Variants in ALG9 observed in about 807,000 individuals in gnomAD.
The protein encoded by ALG9 is alpha-1,2-mannosyltransferase ALG9.
Under a neutral mutation model 81.8 loss-of-function variants are expected in ALG9, and 55 were observed. The ratio of observed to expected loss-of-function variants is 0.67; its 90% CI spans 0.54 to 0.84. The LOEUF (loss-of-function observed/expected upper bound fraction) is 0.84, where lower values mean the gene tolerates loss of function less well. ALG9 is among the 40% of genes least tolerant of loss of function. The probability of loss-of-function intolerance (pLI) is 0.00; values close to 1 mark genes in which losing one functional copy is unlikely to be tolerated. For synonymous variants in ALG9, 278 were observed against 274.3 expected (o/e 1.01, Z -0.13); for missense variants, 629 against 745.0 (o/e 0.84, Z 1.81).
intron 13 of ALG9, among the ~76,000 whole-genome samples, chr11:111,819,660 T>C (rs556623413): frequency 2.0e-5 from 3 of 152,390 alleles, no homozygotes; most frequent in African/African-American, 4.8e-5. Flanking sequence ...TACTTAGCTT[T>C]TAAGCAGCAT....
the ALG9 span, among the ~76,000 whole-genome samples, chr11:111,775,758 A>T: frequency 6.6e-6 from 1 of 152,180 alleles, no homozygotes; most frequent in African/African-American, 2.4e-5. Flanking sequence ...CTTTGACTAC[A>T]TCCTGTTCTC....
At chr11:111,800,857 G>A (rs1949021205) in intron 14 of ALG9, among the ~76,000 whole-genome samples, 1 of 152,118 alleles carries the variant, frequency 6.6e-6, no homozygotes, top group Non-Finnish European at 1.5e-5. Context: ...ATGAGTGATG[G>A]GTGGACAGAC....
rs1431558153 is a variant in ALG9, at chr11:111,853,419, A to G, written c.856T>C (p.Leu286=). The G allele has an allele frequency of 6.2e-7, 1 of 1,614,012 alleles. No individual in the cohort carries two copies. The highest frequency in any genetic ancestry group is 1.3e-5 in the African/African-American group (1 of 74,936). The change falls in exon 8 of 15, where the codon TTG becomes CTG. Residue 286 remains leucine, a synonymous_variant. Coordinates refer to ENST00000616540, the MANE Select transcript of ALG9 (RefSeq NM_024740.2). The part of the protein sequence containing the change: ...KLVIAPLNIV[L]YNVFTPHGPD... The stretch of plus-strand genomic sequence containing the variant: ...CCATGAGGAGTAAAGACATTATACA[A>G]AACAATGTTGAGTGGTGCAATCACC...
At chr11:111,774,069 T>TAAAAAA in the ALG9 span, among the ~76,000 whole-genome samples, 3 of 69,726 alleles carry the variant, frequency 4.3e-5, no homozygotes, top group Non-Finnish European at 7.9e-5. Context: ...CATATCTTAT[T>TAAAAAA]AAAAAAAAAA....
intron 5 of ALG9, among the ~76,000 whole-genome samples, chr11:111,859,019 A>C (rs2137125134): frequency 1.3e-5 from 2 of 152,342 alleles, no homozygotes. Flanking sequence ...CAGCCTGGGC[A>C]ACACAGTGAA....
chr11:111,791,139 A>T (rs919627933), intron 14 of ALG9, among the ~76,000 whole-genome samples: 6 of 152,266 alleles, frequency 3.9e-5, no homozygotes, highest in African/African-American at 1.2e-4. Context: ...AAAAACAAAA[A>T]GCAATCAAAC....
At chr11:111,774,379 AAAAAC>A in the ALG9 span, among the ~76,000 whole-genome samples, 1 of 152,210 alleles carries the variant, frequency 6.6e-6, no homozygotes, top group Non-Finnish European at 1.5e-5. Context: ...TCCGTCTCCA[AAAAAC>A]AAAACAAAAC....
chr11:111,806,607 C>G (rs1300303011), intron 14 of ALG9, among the ~76,000 whole-genome samples: 2 of 152,168 alleles, frequency 1.3e-5, no homozygotes, highest in African/African-American at 4.8e-5. Flanking sequence ...GTTTCCCTGG[C>G]CTCATCTCGT....
At chr11:111,808,679 C>T (rs1163976554) in intron 14 of ALG9, among the ~76,000 whole-genome samples, 4 of 152,198 alleles carry the variant, frequency 2.6e-5, no homozygotes, top group Admixed American at 6.5e-5. Flanking sequence ...GAGCCCCAGA[C>T]CTGACTCTCA....
At chr11:111,833,248 A>G (rs528989416) in intron 13 of ALG9, among the ~76,000 whole-genome samples, 16 of 152,184 alleles carry the variant, frequency 1.1e-4, no homozygotes, top group Non-Finnish European at 1.9e-4. Context: ...TGAATTTTTC[A>G]AGAACTAAAG....
chr11:111,832,618 C>T (rs1954576001), intron 13 of ALG9, among the ~76,000 whole-genome samples: 1 of 152,120 alleles, frequency 6.6e-6, no homozygotes, highest in Non-Finnish European at 1.5e-5. Context: ...TATTGTGTCC[C>T]TAACTCCGTT....
the ALG9 span, among the ~76,000 whole-genome samples, chr11:111,773,916 G>A: frequency 6.6e-6 from 1 of 151,010 alleles, no homozygotes; most frequent in East Asian, 2.0e-4. Flanking sequence ...CACCATGCCT[G>A]GCTAATTTTT....
chr11:111,830,835 A>G (rs1439161575), intron 13 of ALG9, among the ~76,000 whole-genome samples: 2 of 152,162 alleles, frequency 1.3e-5, no homozygotes, highest in Non-Finnish European at 2.9e-5. Context: ...ACTTAAAGTA[A>G]GTACCTGTCA....
At chr11:111,815,660 A>G (rs1951370607) in intron 13 of ALG9, among the ~76,000 whole-genome samples, 1 of 151,996 alleles carries the variant, frequency 6.6e-6, no homozygotes, top group Non-Finnish European at 1.5e-5. Flanking sequence ...TCTACCACAG[A>G]CTGGCTGAGT....
intron 14 of ALG9, among the ~76,000 whole-genome samples, chr11:111,789,121 G>A (rs1186803411): frequency 2.0e-5 from 3 of 151,696 alleles, no homozygotes; most frequent in African/African-American, 4.8e-5. Flanking sequence ...GGGATTACAG[G>A]CGCAAGCGAC....
chr11:111,836,292 C>T lies in ALG9; in HGVS notation c.1475G>A (p.Trp492Ter). Residue 492 changes from tryptophan to a stop codon, truncating the protein, a stop_gained and splice_region_variant, in exon 13 of 15, where the codon TGG becomes TAG. Transcript: ENST00000616540. LOFTEE classifies it high-confidence loss of function. ...CTCTGATGGAATGAACTGAAGCTGCCAACTGTCAGAAACACAAGGAGAATA... is the reference window on the plus strand; with the variant it reads ...CTCTGATGGAATGAACTGAAGCTGCTAACTGTCAGAAACACAAGGAGAATA... Reference protein sequence around the residue: ...FPSSFLLPDNWQLQFIPSEFR... With the variant: ...FPSSFLLPDN The T allele has an allele frequency of 6.2e-7, 1 of 1,613,840 alleles. No individual in the cohort carries two copies. Among genetic ancestry groups the T allele is most frequent in the Non-Finnish European group, 8.5e-7 (1 of 1,179,932 alleles).
the ALG9 span, among the ~76,000 whole-genome samples, chr11:111,771,631 A>G: frequency 6.6e-5 from 10 of 152,316 alleles, no homozygotes; most frequent in South Asian, 2.1e-3. Context: ...TGAAAGGGAC[A>G]TCAAGGGAGT....
At chr11:111,807,964 G>A (rs1950172221) in intron 14 of ALG9, among the ~76,000 whole-genome samples, 1 of 152,132 alleles carries the variant, frequency 6.6e-6, no homozygotes, top group Non-Finnish European at 1.5e-5. Flanking sequence ...AGGTGCCTTG[G>A]GAAGCTGAGG....
chr11:111,855,586 C>CAGT (rs1178996066), intron 6 of ALG9, among the ~76,000 whole-genome samples: 1 of 151,984 alleles, frequency 6.6e-6, no homozygotes, highest in Non-Finnish European at 1.5e-5. Context: ...GTTTCTGGGT[C>CAGT]AGTATTGAGG....
Sources: gnomAD v4.1 joint callset for allele counts (sites outside exome capture counted in the v4.1 genomes callset) on GRCh38, gnomAD v4.1.1 for gene constraint, MANE v1.5 for transcripts, NCBI Gene and HGNC (gene_info 2026-07-23, HGNC 2026-07-21) for gene names.